CFDP1: variants seen among roughly 807,000 people sequenced by gnomAD.
CFDP1 encodes chromatin remodeling protein CFDP1.
Under a neutral mutation model 40.1 loss-of-function variants are expected in CFDP1, and 31 were observed. That is an observed-to-expected ratio of 0.77 (90% CI 0.58 to 1.04). The LOEUF (loss-of-function observed/expected upper bound fraction) is 1.04. Among genes scored for constraint, CFDP1 ranks in the 50% least tolerant of loss-of-function variants. CFDP1 has a pLI of 0.00. For missense variants in CFDP1, 423 were observed against 343.4 expected (o/e 1.23, Z -1.83); for synonymous variants, 167 against 120.0 (o/e 1.39, Z -2.56).
intron 5 of CFDP1, among the ~76,000 whole-genome samples, chr16:75,320,176 G>T (rs1347353874): frequency 1.3e-5 from 2 of 152,186 alleles, no homozygotes; most frequent in Non-Finnish European, 2.9e-5. Context: ...AATGTAGTTT[G>T]TCCTCCAAGG....
intron 5 of CFDP1, among the ~76,000 whole-genome samples, chr16:75,336,278 G>C (rs1253853009): frequency 6.6e-6 from 1 of 152,220 alleles, no homozygotes; most frequent in East Asian, 1.9e-4. Flanking sequence ...ACAGGAGCCT[G>C]TGTGAAGATG....
At chr16:75,310,534 T>A (rs1450339959) in intron 5 of CFDP1, among the ~76,000 whole-genome samples, 1 of 152,232 alleles carries the variant, frequency 6.6e-6, no homozygotes, top group African/African-American at 2.4e-5. Context: ...AAAAGAAATG[T>A]AATTTTAACA....
At position 75,315,424 on chromosome 16, in the gene CFDP1, G is replaced by A. The variant is rs181829478; in HGVS notation, c.651-10242C>T. Among the ~76,000 whole-genome samples the A allele has an allele frequency of 7.5e-3, 1,141 of 151,488 alleles. 17 individuals are homozygous for A. Among genetic ancestry groups the A allele is most frequent in the African/African-American group, 0.026 (1,086 of 41,338 alleles). On this transcript the variant is annotated intron_variant, in intron 5 of 6. Transcript: ENST00000283882. The stretch of plus-strand genomic sequence containing the variant: ...ACTCAATAACGAGAAATGGGGCGCT[G>A]GCATTAATGAACCTTGAGGCTGACT...
At chr16:75,433,238 T>G in intron 1 of CFDP1, 51 bp downstream of exon 1, 2 of 1,521,488 alleles carry the variant, frequency 1.3e-6, no homozygotes, top group Non-Finnish European at 1.8e-6. Context: ...GCGCCTCACG[T>G]GAGGCGTGGG....
At chr16:75,323,240 A>G (rs1306061237) in intron 5 of CFDP1, among the ~76,000 whole-genome samples, 1 of 151,472 alleles carries the variant, frequency 6.6e-6, no homozygotes, top group Non-Finnish European at 1.5e-5. Context: ...AAAAAAAAAA[A>G]CTAAGACAAA....
At chr16:75,303,028 C>T (rs900297294) in intron 6 of CFDP1, among the ~76,000 whole-genome samples, 15 of 152,198 alleles carry the variant, frequency 9.9e-5, no homozygotes, top group African/African-American at 3.6e-4. Context: ...GGTGAAATCC[C>T]GTCTCTACTA....
chr16:75,347,298 C>T (rs568686642), intron 5 of CFDP1, among the ~76,000 whole-genome samples: 252 of 131,772 alleles, frequency 1.9e-3, no homozygotes, highest in Middle Eastern at 0.014. Flanking sequence ...GAGCCGAGAT[C>T]GGACCATTGC....
intron 4 of CFDP1, among the ~76,000 whole-genome samples, chr16:75,402,956 A>G (rs2079067990): frequency 6.6e-6 from 1 of 152,186 alleles, no homozygotes; most frequent in Non-Finnish European, 1.5e-5. Flanking sequence ...AGTAATAAGC[A>G]TGTATCATTT....
intron 4 of CFDP1, among the ~76,000 whole-genome samples, chr16:75,410,724 T>C (rs2079153220): frequency 6.7e-6 from 1 of 150,284 alleles, no homozygotes. Flanking sequence ...CCGGCTAACA[T>C]GGTGAAACCC....
intron 5 of CFDP1, among the ~76,000 whole-genome samples, chr16:75,350,754 C>A (rs1403669371): frequency 1.3e-5 from 2 of 151,688 alleles, no homozygotes; most frequent in Non-Finnish European, 2.9e-5. Context: ...CATCCGAAAA[C>A]AAAATAAATG....
chr16:75,392,770 T>A lies in CFDP1; in HGVS notation c.650+2320A>T, dbSNP rs377317059. On this transcript the variant is annotated intron_variant, in intron 5 of 6. Coordinates refer to ENST00000283882, the MANE Select transcript of CFDP1 (RefSeq NM_006324.3). The stretch of plus-strand genomic sequence containing the variant: ...TGCTCTGATATTTTCTCTTAATTGA[T>A]TATTCCAAACCACAGCTTACAAAGT... Among the ~76,000 whole-genome samples, 6 of 152,356 alleles carry A rather than the reference T, an allele frequency of 3.9e-5. No homozygotes were observed. In the East Asian group the frequency reaches 1.2e-3, roughly 29 times the overall value.
At chr16:75,382,199 A>G (rs1276674262) in intron 5 of CFDP1, among the ~76,000 whole-genome samples, 5 of 151,982 alleles carry the variant, frequency 3.3e-5, no homozygotes, top group African/African-American at 1.2e-4. Flanking sequence ...CCATAATTAG[A>G]TGACATACTA....
intron 5 of CFDP1, among the ~76,000 whole-genome samples, chr16:75,312,272 T>C (rs1374562133): frequency 6.6e-6 from 1 of 152,186 alleles, no homozygotes. Context: ...TTGACAGTAC[T>C]CTATGGGACA....
intron 5 of CFDP1, among the ~76,000 whole-genome samples, chr16:75,388,257 C>T (rs1163800142): frequency 6.6e-6 from 1 of 152,186 alleles, no homozygotes; most frequent in Admixed American, 6.5e-5. Flanking sequence ...ACATGTAAAA[C>T]ATTTAGCATT....
intron 5 of CFDP1, among the ~76,000 whole-genome samples, chr16:75,313,020 A>C (rs2078304056): frequency 6.6e-6 from 1 of 152,224 alleles, no homozygotes; most frequent in African/African-American, 2.4e-5. Flanking sequence ...ACTAGCACCA[A>C]GAGAAAGCTA....
intron 1 of CFDP1, among the ~76,000 whole-genome samples, chr16:75,431,238 G>A (rs2079410345): frequency 6.6e-6 from 1 of 151,730 alleles, no homozygotes; most frequent in Non-Finnish European, 1.5e-5. Context: ...GACCATTTGA[G>A]GTCAGGAGTT....
In CFDP1 at chr16:75,387,297, C is replaced by T. The variant is rs193262141; in HGVS notation, c.650+7793G>A. ...CTGGGACTACAGGCGCCCACCACCA[C>T]GCCCGGAGAATTTTTTGTTTTTTTA... On this transcript the variant is annotated intron_variant, in intron 5 of 6. Transcript: ENST00000283882. 7.2e-4 allele frequency among the ~76,000 whole-genome samples: 110 copies of T among 152,258 alleles called. 1 individual carries two copies. Among genetic ancestry groups the T allele is most frequent in the African/African-American group, 2.6e-3 (109 of 41,558 alleles).
intron 6 of CFDP1, among the ~76,000 whole-genome samples, chr16:75,302,396 G>A (rs1469806416): frequency 1.3e-5 from 2 of 152,134 alleles, no homozygotes; most frequent in East Asian, 1.9e-4. Flanking sequence ...AAGTAACTGG[G>A]ACTACAGGTG....
At position 75,393,511 on chromosome 16, in the gene CFDP1, C is replaced by G. The variant is rs974931276; in HGVS notation, c.650+1579G>C. On this transcript the variant is annotated intron_variant, in intron 5 of 6. Coordinates refer to ENST00000283882, the MANE Select transcript of CFDP1 (RefSeq NM_006324.3). The stretch of plus-strand genomic sequence containing the variant: ...TAAAAATGTGGGGCCGGGGGTGGAT[C>G]ATGAGGTCAGGAGATCGAGACCATC... Among the ~76,000 whole-genome samples the G allele has an allele frequency of 2.6e-5, 4 of 151,698 alleles. No individual in the cohort carries two copies. The South Asian group carries it at 8.3e-4, about 32-fold the overall frequency.
Sources: allele counts gnomAD v4.1 joint callset (sites outside exome capture counted in the v4.1 genomes callset), GRCh38; gene constraint gnomAD v4.1.1; transcripts MANE v1.5; gene names NCBI Gene and HGNC (gene_info 2026-07-23, HGNC 2026-07-21).